The following NEO1 variants were observed in gnomAD, a reference collection of about 807,000 sequenced individuals.
NEO1 encodes neogenin.
NEO1 carries 63 observed loss-of-function variants against 159.7 expected under a neutral mutation model. The ratio of observed to expected loss-of-function variants is 0.39; its 90% CI spans 0.32 to 0.49. NEO1 has a LOEUF of 0.49. Ranked by LOEUF, NEO1 falls within the 20% of genes least tolerant of loss-of-function variation. The probability of loss-of-function intolerance (pLI) is 0.85; values close to 1 mark genes in which losing one functional copy is unlikely to be tolerated. For missense variants in NEO1, 1,615 were observed against 1,831.0 expected, an observed-to-expected ratio of 0.88 and a Z score of 2.15; for synonymous variants, 633 against 662.0, an observed-to-expected ratio of 0.96 and a Z score of 0.67.
chr15:73,114,872 T>G (rs79482251), intron 1 of NEO1, among the ~76,000 whole-genome samples: 3,216 of 152,286 alleles, frequency 0.021, 164 homozygotes, highest in East Asian at 0.2. Flanking sequence ...CTTTTTATAC[T>G]TTTTATTTAT....
intron 1 of NEO1, among the ~76,000 whole-genome samples, chr15:73,098,711 G>A (rs1430570403): frequency 6.6e-6 from 1 of 152,182 alleles, no homozygotes; most frequent in Non-Finnish European, 1.5e-5. Flanking sequence ...ACAGTGAATA[G>A]CCTTGCTTGT....
chr15:73,062,376 T>C (rs2068021192), intron 1 of NEO1, among the ~76,000 whole-genome samples: 1 of 152,246 alleles, frequency 6.6e-6, no homozygotes, highest in Admixed American at 6.5e-5. Flanking sequence ...GATTCATTTA[T>C]AAATATAGAT....
intron 1 of NEO1, among the ~76,000 whole-genome samples, 193 bp downstream of exon 1, chr15:73,052,998 G>A (rs1425199431): frequency 6.6e-6 from 1 of 151,882 alleles, no homozygotes; most frequent in Admixed American, 6.6e-5. Flanking sequence ...CACCGGGGAA[G>A]GGGCGGCTGC....
intron 4 of NEO1, among the ~76,000 whole-genome samples, chr15:73,133,713 T>C (rs1212145790): frequency 6.6e-6 from 1 of 152,216 alleles, no homozygotes; most frequent in Non-Finnish European, 1.5e-5. Flanking sequence ...ATTGTTTTTT[T>C]TCTTTGCCTG....
intron 1 of NEO1, among the ~76,000 whole-genome samples, chr15:73,095,673 GTT>G (rs111751613): frequency 0.51 from 74,450 of 145,130 alleles, 18,849 homozygotes; most frequent in Middle Eastern, 0.57. Flanking sequence ...GTCTTTATTT[GTT>G]TTTTTTTTTT....
chr15:73,301,345 T>C lies in NEO1; in HGVS notation c.4190T>C (p.Val1397Ala). The C allele has an allele frequency of 6.2e-7, 1 of 1,614,180 alleles. No homozygotes were observed. Among genetic ancestry groups the C allele is most frequent in the South Asian group, 1.1e-5 (1 of 91,074 alleles). The change falls in exon 28 of 29, where the codon GTG (valine) becomes GCG (alanine). Residue 1397 changes from valine (V) to alanine (A), a missense_variant. Physicochemically the swap from Val to Ala is moderately conservative, Grantham distance 64. This residue lies in a region of NEO1 where 471 missense variants were observed against 498.9 expected (regional missense o/e 0.94). Transcript: ENST00000261908. ...QQALNHHIHS[V>A]KTASIGTLGR... The stretch of plus-strand genomic sequence containing the variant: ...GCTCTGAACCATCACATTCACTCAG[T>C]GAAGACAGCCTCCATCGGGACTCTA...
chr15:73,173,424 G>A (rs965993175), intron 5 of NEO1, among the ~76,000 whole-genome samples: 1 of 152,136 alleles, frequency 6.6e-6, no homozygotes, highest in African/African-American at 2.4e-5. Flanking sequence ...ACCCCCAAGA[G>A]TACGTAGATT....
intron 1 of NEO1, among the ~76,000 whole-genome samples, chr15:73,081,283 A>C (rs959858365): frequency 3.9e-5 from 6 of 151,992 alleles, no homozygotes; most frequent in African/African-American, 1.4e-4. Context: ...GAATGACTGG[A>C]CTATAGATAA....
At chr15:73,052,197 A>G (rs1323655994), upstream of NEO1, among the ~76,000 whole-genome samples, 6 of 141,908 alleles carry the variant, frequency 4.2e-5, no homozygotes, top group Non-Finnish European at 7.7e-5. Flanking sequence ...CCACGGCCCG[A>G]GAGGCGGCAG....
In NEO1 at chr15:73,244,343, G is replaced by T; in HGVS notation, c.1452-1G>T. The T allele has an allele frequency of 6.2e-7, 1 of 1,612,678 alleles. No individual in the cohort carries two copies. The highest frequency in any genetic ancestry group is 1.1e-5 in the South Asian group (1 of 90,898). On this transcript the variant is annotated splice_acceptor_variant, in intron 8 of 28. Coordinates refer to ENST00000261908, the MANE Select transcript of NEO1 (RefSeq NM_002499.4). LOFTEE classifies it high-confidence loss of function. ...TCTCTCTCCAAATCCTTTGTCTAAAGGGAACGTGTTGAGAATACCAGTCAC... is the reference window on the plus strand; with the variant it reads ...TCTCTCTCCAAATCCTTTGTCTAAATGGAACGTGTTGAGAATACCAGTCAC...
chr15:73,156,996 C>T (rs2033829145), intron 5 of NEO1, among the ~76,000 whole-genome samples: 1 of 152,192 alleles, frequency 6.6e-6, no homozygotes, highest in African/African-American at 2.4e-5. Context: ...ACAGATGTGG[C>T]TTGTGTAAGT....
At chr15:73,263,100 TATG>T (rs2040700836) in intron 15 of NEO1, among the ~76,000 whole-genome samples, 1 of 152,130 alleles carries the variant, frequency 6.6e-6, no homozygotes, top group South Asian at 2.1e-4. Context: ...TTTTGGTGGT[TATG>T]ATGCAAGGTA....
intron 5 of NEO1, among the ~76,000 whole-genome samples, chr15:73,138,613 C>T (rs1963253): frequency 0.13 from 19,627 of 151,928 alleles, 1,952 homozygotes; most frequent in African/African-American, 0.27. Context: ...AAAAATTAGC[C>T]GGCGTAGTGG....
At chr15:73,076,449 A>T (rs569844197) in intron 1 of NEO1, among the ~76,000 whole-genome samples, 2 of 152,308 alleles carry the variant, frequency 1.3e-5, no homozygotes, top group African/African-American at 4.8e-5. Flanking sequence ...TGCTAAATGA[A>T]TGCTACTTAC....
rs969261654 is a variant in NEO1 at position 73,272,568 on chromosome 15, A to G, written c.2965+6A>G. ...AGCCAATGGCAAAATTACAGGTAAAATGCAATCAAGTGTGCATTTCTTTGT... is the reference window on the plus strand; with the variant it reads ...AGCCAATGGCAAAATTACAGGTAAAGTGCAATCAAGTGTGCATTTCTTTGT... On this transcript the variant is annotated splice_donor_region_variant and intron_variant, in intron 19 of 28. Transcript: ENST00000261908. 5 of 1,578,726 alleles carry G rather than the reference A, an allele frequency of 3.2e-6. No homozygotes were observed. The highest frequency in any genetic ancestry group is 3.5e-6 in the Non-Finnish European group (4 of 1,147,568).
intron 7 of NEO1, among the ~76,000 whole-genome samples, chr15:73,214,074 T>A (rs933847390): frequency 1.3e-5 from 2 of 152,142 alleles, no homozygotes; most frequent in Non-Finnish European, 2.9e-5. Context: ...CATTTGAGAA[T>A]TGTCTGTTCA....
In NEO1 at chr15:73,205,624, A is replaced by T. The variant is rs572163850; in HGVS notation, c.1291+27197A>T. 3.3e-5 allele frequency among the ~76,000 whole-genome samples: 5 copies of T among 152,166 alleles called. No individual in the cohort carries two copies. The East Asian group carries it at 9.7e-4, about 30-fold the overall frequency. On this transcript the variant is annotated intron_variant, in intron 7 of 28. Transcript: ENST00000261908. The stretch of plus-strand genomic sequence containing the variant: ...CACTCAACCTCTAGCAATTTGTAAG[A>T]TTACCTTTTAAGTGTTCCTACCAGT...
chr15:73,151,028 T>A (rs532432808), intron 5 of NEO1, among the ~76,000 whole-genome samples: 41 of 152,172 alleles, frequency 2.7e-4, no homozygotes, highest in Non-Finnish European at 5.7e-4. Context: ...ATGCCAGGCC[T>A]TTTCCCAGAG....
chr15:73,112,463 T>G (rs1053414850), intron 1 of NEO1, among the ~76,000 whole-genome samples: 12 of 152,184 alleles, frequency 7.9e-5, no homozygotes, highest in Non-Finnish European at 1.6e-4. Context: ...AAAACATGCC[T>G]CTTCTTTTCT....
Sources: gnomAD v4.1 joint callset for allele counts (sites outside exome capture counted in the v4.1 genomes callset) on GRCh38, gnomAD v4.1.1 for gene constraint, gnomAD v4.1.1 regional missense constraint, MANE v1.5 for transcripts, NCBI Gene and HGNC (gene_info 2026-07-23, HGNC 2026-07-21) for gene names.